Variants in HCN1 observed in about 807,000 individuals in gnomAD.
HCN1 encodes the protein potassium/sodium hyperpolarization-activated cyclic nucleotide-gated channel 1.
HCN1 carries 13 observed loss-of-function variants against 78.9 expected under a neutral mutation model. The ratio of observed to expected loss-of-function variants is 0.16; its 90% CI spans 0.11 to 0.26. The LOEUF (loss-of-function observed/expected upper bound fraction) is 0.26, where lower values mean the gene tolerates loss of function less well. Ranked by LOEUF, HCN1 falls within the 10% of genes least tolerant of loss-of-function variation. The pLI is 1.00. For missense variants in HCN1, 810 were observed against 1,154.3 expected, an observed-to-expected ratio of 0.70 and a Z score of 4.32; for synonymous variants, 552 against 455.5, an observed-to-expected ratio of 1.21 and a Z score of -2.70.
chr5:45,621,602 C>T (rs556285428), intron 2 of HCN1, among the ~76,000 whole-genome samples: 2 of 152,236 alleles, frequency 1.3e-5, no homozygotes, highest in South Asian at 2.1e-4. Flanking sequence ...ATTCAGTTTA[C>T]GTTCAGAGGA....
At chr5:45,535,481 C>T (rs1333460336) in intron 2 of HCN1, among the ~76,000 whole-genome samples, 1 of 151,918 alleles carries the variant, frequency 6.6e-6, no homozygotes, top group Non-Finnish European at 1.5e-5. Flanking sequence ...ACCTGTAATC[C>T]CAGCTACTTG....
intron 2 of HCN1, among the ~76,000 whole-genome samples, chr5:45,498,935 C>A (rs933273998): frequency 2.0e-5 from 3 of 152,124 alleles, no homozygotes; most frequent in African/African-American, 7.2e-5. Context: ...AGGCAGTCTG[C>A]CCATTCTCAG....
intron 2 of HCN1, among the ~76,000 whole-genome samples, chr5:45,529,255 G>A (rs1237738451): frequency 6.6e-6 from 1 of 151,916 alleles, no homozygotes; most frequent in Admixed American, 6.6e-5. Context: ...AGAATACACT[G>A]TCTCCCTCCC....
chr5:45,385,374 G>T (rs1579860651), intron 4 of HCN1, among the ~76,000 whole-genome samples: 1 of 152,084 alleles, frequency 6.6e-6, no homozygotes, highest in Non-Finnish European at 1.5e-5. Context: ...ATTAAAAAAA[G>T]GAAATTGATT....
intron 2 of HCN1, among the ~76,000 whole-genome samples, chr5:45,476,433 T>A (rs949550997): frequency 6.6e-6 from 1 of 152,178 alleles, no homozygotes; most frequent in Non-Finnish European, 1.5e-5. Context: ...GTCTATGATA[T>A]TGTTTAAGTA....
intron 5 of HCN1, among the ~76,000 whole-genome samples, chr5:45,351,162 T>C (rs946522013): frequency 1.3e-5 from 2 of 152,130 alleles, no homozygotes; most frequent in Admixed American, 1.3e-4. Context: ...AGCATGGTAC[T>C]GATACCAAAA....
At chr5:45,603,655 A>G (rs1744670186) in intron 2 of HCN1, among the ~76,000 whole-genome samples, 1 of 152,122 alleles carries the variant, frequency 6.6e-6, no homozygotes, top group African/African-American at 2.4e-5. Context: ...ATTCTTGCCT[A>G]CAAAATCTTT....
chr5:45,638,858 A>G (rs1390195156), intron 2 of HCN1, among the ~76,000 whole-genome samples: 2 of 152,148 alleles, frequency 1.3e-5, no homozygotes, highest in African/African-American at 4.8e-5. Context: ...GCCGAGATGG[A>G]ACCAACTACC....
chr5:45,294,714 TTA>T (rs1745453024), intron 6 of HCN1, among the ~76,000 whole-genome samples: 1 of 152,066 alleles, frequency 6.6e-6, no homozygotes, highest in Non-Finnish European at 1.5e-5. Context: ...TATGATTACC[TTA>T]ATAGCATGGT....
At chr5:45,380,480 A>G (rs1215334842) in intron 4 of HCN1, among the ~76,000 whole-genome samples, 1 of 152,136 alleles carries the variant, frequency 6.6e-6, no homozygotes, top group Non-Finnish European at 1.5e-5. Context: ...AATTTAAGTT[A>G]CATAGGAGAT....
intron 2 of HCN1, among the ~76,000 whole-genome samples, chr5:45,518,595 AC>A (rs1742556673): frequency 6.6e-6 from 1 of 152,016 alleles, no homozygotes; most frequent in African/African-American, 2.4e-5. Flanking sequence ...AAATACTGTG[AC>A]CCTGATAGAA....
At chr5:45,334,468 G>A (rs1334266339) in intron 5 of HCN1, among the ~76,000 whole-genome samples, 2 of 151,170 alleles carry the variant, frequency 1.3e-5, no homozygotes, top group African/African-American at 2.4e-5. Flanking sequence ...TCTTTTCTCC[G>A]CTAATTAACT....
intron 2 of HCN1, among the ~76,000 whole-genome samples, chr5:45,585,504 G>A (rs549968030): frequency 6.6e-5 from 10 of 151,924 alleles, no homozygotes; most frequent in Admixed American, 3.9e-4. Flanking sequence ...TAGTTTGATC[G>A]TCTGAAGCCT....
chr5:45,588,430 C>T (rs1442393972), intron 2 of HCN1, among the ~76,000 whole-genome samples: 1 of 152,114 alleles, frequency 6.6e-6, no homozygotes, highest in Non-Finnish European at 1.5e-5. Flanking sequence ...TATAGAATCT[C>T]ATCATTTGTG....
At chr5:45,650,470 G>C (rs1745654918) in intron 1 of HCN1, among the ~76,000 whole-genome samples, 1 of 151,896 alleles carries the variant, frequency 6.6e-6, no homozygotes, top group Non-Finnish European at 1.5e-5. Context: ...CTGTTACGTA[G>C]AAACTTCCTT....
At chr5:45,442,391 T>C (rs1277727324) in intron 3 of HCN1, among the ~76,000 whole-genome samples, 2 of 152,102 alleles carry the variant, frequency 1.3e-5, no homozygotes, top group African/African-American at 4.8e-5. Context: ...TATGTTTGAT[T>C]AATTTCAGGA....
intron 2 of HCN1, among the ~76,000 whole-genome samples, chr5:45,492,392 A>AATATAT (rs35781186): frequency 0.067 from 8,094 of 121,106 alleles, 270 homozygotes; most frequent in East Asian, 0.11. Context: ...TCTTTAAATG[A>AATATAT]ATATATATAT....
chr5:45,644,882 AC>A, intron 2 of HCN1: 2 of 414,068 alleles, frequency 4.8e-6, no homozygotes, highest in South Asian at 8.4e-5. Context: ...ATTAAAAAAA[AC>A]CAAGGTGGGA....
chr5:45,445,020 C>G (rs1489824347), intron 3 of HCN1, among the ~76,000 whole-genome samples: 2 of 152,152 alleles, frequency 1.3e-5, no homozygotes, highest in Admixed American at 1.3e-4. Flanking sequence ...CTAGGGAGTG[C>G]CAGACAGTGG....
Sources: allele counts gnomAD v4.1 joint callset (sites outside exome capture counted in the v4.1 genomes callset), GRCh38; gene constraint gnomAD v4.1.1; transcripts MANE v1.5; gene names NCBI Gene and HGNC (gene_info 2026-07-23, HGNC 2026-07-21).